CEP97: variants seen among roughly 807,000 people sequenced by gnomAD.
CEP97 encodes the protein centrosomal protein of 97 kDa.
Under a neutral mutation model 73.1 loss-of-function variants are expected in CEP97, and 43 were observed. The ratio of observed to expected loss-of-function variants is 0.59; its 90% CI spans 0.46 to 0.76. The LOEUF is 0.76. Ranked by LOEUF, CEP97 falls within the 30% of genes least tolerant of loss-of-function variation. The pLI, the probability that CEP97 is intolerant of heterozygous loss-of-function variation, is 0.00. For synonymous variants in CEP97, 337 were observed against 370.0 expected, an observed-to-expected ratio of 0.91 and a Z score of 1.02; for missense variants, 939 against 1,014.0, an observed-to-expected ratio of 0.93 and a Z score of 1.00.
At chr3:101,734,551 T>C (rs1036949770) in intron 6 of CEP97, among the ~76,000 whole-genome samples, 2 of 152,162 alleles carry the variant, frequency 1.3e-5, no homozygotes, top group African/African-American at 4.8e-5. Context: ...GTATAGTTTC[T>C]GAGTAAAGCA....
At chr3:101,747,421 G>A (rs1361570475) in intron 6 of CEP97, among the ~76,000 whole-genome samples, 5 of 151,314 alleles carry the variant, frequency 3.3e-5, no homozygotes, top group African/African-American at 4.9e-5. Flanking sequence ...CACCACGCCC[G>A]GCTAATTTTT....
In CEP97 at chr3:101,724,650, G is replaced by C. The variant is rs769175929; in HGVS notation, c.-27G>C. 6 of 1,614,102 alleles carry C rather than the reference G, an allele frequency of 3.7e-6. No individual in the cohort carries two copies. The highest frequency in any genetic ancestry group is 2.2e-5 in the South Asian group (2 of 91,080). ...TCCACAGAGCCGCGGGAGGACGGTT[G>C]CCTGGTATTATTAGCAAGCAGCAAA... On this transcript the variant is annotated 5_prime_UTR_variant, in exon 1 of 11. Transcript: ENST00000341893.
At chr3:101,749,328 C>T (rs1279662771) in intron 6 of CEP97, among the ~76,000 whole-genome samples, 10 of 150,026 alleles carry the variant, frequency 6.7e-5, no homozygotes, top group South Asian at 2.1e-4. Flanking sequence ...ATGAACTCAT[C>T]ATTTTTTATG....
intron 6 of CEP97, among the ~76,000 whole-genome samples, chr3:101,743,397 T>A (rs2466373): frequency 0.21 from 32,428 of 151,480 alleles, 3,941 homozygotes; most frequent in East Asian, 0.48. Flanking sequence ...CTAGAAAAAA[T>A]ATATATATAT....
chr3:101,734,710 G>C (rs1281169799), intron 6 of CEP97, among the ~76,000 whole-genome samples: 1 of 152,120 alleles, frequency 6.6e-6, no homozygotes, highest in Non-Finnish European at 1.5e-5. Context: ...ACCTTATTTT[G>C]TTTCAAACTG....
At chr3:101,732,879 C>T (rs888890294) in intron 6 of CEP97, among the ~76,000 whole-genome samples, 1 of 151,498 alleles carries the variant, frequency 6.6e-6, no homozygotes, top group African/African-American at 2.4e-5. Context: ...AATCCTTGCA[C>T]TTTGGAAAGC....
chr3:101,750,523 C>G (rs1938774614), intron 6 of CEP97, among the ~76,000 whole-genome samples: 1 of 152,162 alleles, frequency 6.6e-6, no homozygotes. Flanking sequence ...TAGAATTTGG[C>G]TGTGAATCCA....
In CEP97 at chr3:101,757,621, T is replaced by C. The variant is rs1388953804; in HGVS notation, c.1028-13T>C. On this transcript the variant is annotated splice_polypyrimidine_tract_variant and intron_variant, in intron 8 of 10. Transcript: ENST00000341893. ...ATTTAGTGGTTTAAATGATACTCTG[T>C]TGATTCTTCTAGAACCCGTCATTCA... 8.1e-6 allele frequency: 13 copies of C among 1,603,212 alleles called. No individual in the cohort carries two copies. Among genetic ancestry groups the C allele is most frequent in the Admixed American group, 3.4e-5 (2 of 59,274 alleles).
At chr3:101,745,187 A>G (rs902292092) in intron 6 of CEP97, among the ~76,000 whole-genome samples, 2 of 152,240 alleles carry the variant, frequency 1.3e-5, no homozygotes, top group Non-Finnish European at 2.9e-5. Flanking sequence ...TAGAGATCAT[A>G]TGGGAGCAGA....
intron 4 of CEP97, 102 bp from the exon 5 acceptor site, chr3:101,731,738 G>C (rs1938116956): frequency 2.1e-5 from 14 of 667,756 alleles, no homozygotes; most frequent in Non-Finnish European, 2.7e-5. Flanking sequence ...ATATAATAAA[G>C]TAGATTCCTT....
intron 6 of CEP97, among the ~76,000 whole-genome samples, chr3:101,740,272 C>G (rs998706090): frequency 6.6e-6 from 1 of 152,188 alleles, no homozygotes; most frequent in African/African-American, 2.4e-5. Context: ...GCAACTTCAG[C>G]AAAGTCTCAG....
intron 9 of CEP97, 53 bp downstream of exon 9, chr3:101,758,476 T>A (rs1939083631): frequency 6.3e-7 from 1 of 1,588,606 alleles, no homozygotes; most frequent in Non-Finnish European, 8.6e-7. Context: ...GGGTGTTAGA[T>A]TCTTATAGTT....
At chr3:101,754,196 A>T (rs955715728) in intron 6 of CEP97, among the ~76,000 whole-genome samples, 2 of 151,744 alleles carry the variant, frequency 1.3e-5, no homozygotes, top group Non-Finnish European at 2.9e-5. Flanking sequence ...CCCTTGCTTC[A>T]TCTTATACCT....
At chr3:101,764,738 G>T in intron 10 of CEP97, 109 bp from the exon 11 acceptor site, 1 of 892,772 alleles carries the variant, frequency 1.1e-6, no homozygotes, top group Non-Finnish European at 1.7e-6. Flanking sequence ...AGCCATGATT[G>T]TGCTGCTGCA....
rs772866062 is a variant in CEP97, at chr3:101,757,720, G to GTACACA, written c.1115_1120dup (p.His373_Thr374insIleHis). ...GGTTAAGAATAATTTTCCAGCCTCT[G>GTACACA]TACACACTACGAGATATTCTCGAAA... On this transcript the variant is annotated inframe_insertion, in exon 9 of 11. Transcript: ENST00000341893. 3.1e-6 allele frequency: 5 copies of GTACACA among 1,614,202 alleles called. No individual in the cohort carries two copies. In the African/African-American group the frequency reaches 6.7e-5, roughly 22 times the overall value.
intron 5 of CEP97, 119 bp downstream of exon 5, chr3:101,732,072 T>C (rs887352997): frequency 3.0e-6 from 2 of 670,002 alleles, no homozygotes; most frequent in African/African-American, 3.6e-5. Context: ...GCCATTCATA[T>C]GAAATGCTTG....
chr3:101,730,701 A>G (rs951398078), intron 4 of CEP97, among the ~76,000 whole-genome samples: 5 of 152,072 alleles, frequency 3.3e-5, no homozygotes, highest in African/African-American at 9.7e-5. Flanking sequence ...AGGGGAATGT[A>G]TCATGCAGTC....
At position 101,727,446 on chromosome 3, in the gene CEP97, G is replaced by T. The variant is rs1440274475; in HGVS notation, c.250G>T (p.Val84Leu). 3.1e-6 allele frequency: 5 copies of T among 1,613,852 alleles called. No homozygotes were observed. The highest frequency in any genetic ancestry group is 4.2e-6 in the Non-Finnish European group (5 of 1,179,910). The change falls in exon 3 of 11, where the codon GTA (valine) becomes TTA (leucine). Residue 84 changes from valine (V) to leucine (L), a missense_variant. By Grantham distance (32) the Val-to-Leu change is conservative. Coordinates refer to ENST00000341893, the MANE Select transcript of CEP97 (RefSeq NM_024548.4). ...MGVAKLTLLR[V>L]LNLPHNSIGC... ...TGTGGCCAAGCTGACGTTGCTTCGTGTATTAAATTTGCCTCATAATAGCAT... is the reference window on the plus strand; with the variant it reads ...TGTGGCCAAGCTGACGTTGCTTCGTTTATTAAATTTGCCTCATAATAGCAT...
chr3:101,734,527 C>G (rs1169684319), intron 6 of CEP97, among the ~76,000 whole-genome samples: 1 of 152,170 alleles, frequency 6.6e-6, no homozygotes, highest in African/African-American at 2.4e-5. Flanking sequence ...CCTTCTCTGT[C>G]TCTCTGCTGT....
Sources: allele counts gnomAD v4.1 joint callset (sites outside exome capture counted in the v4.1 genomes callset), GRCh38; gene constraint gnomAD v4.1.1; transcripts MANE v1.5; gene names NCBI Gene and HGNC (gene_info 2026-07-23, HGNC 2026-07-21).